Variants in HS3ST1 observed in about 807,000 individuals in gnomAD.
The protein encoded by HS3ST1 is heparan sulfate glucosamine 3-O-sulfotransferase 1.
HS3ST1 carries 8 observed loss-of-function variants against 20.7 expected under a neutral mutation model. The observed-to-expected ratio is 0.39, with a 90% CI of 0.23 to 0.70. HS3ST1 has a LOEUF of 0.70. HS3ST1 is among the 30% of genes least tolerant of loss of function. The pLI, the probability that HS3ST1 is intolerant of heterozygous loss-of-function variation, is 0.46. For synonymous variants in HS3ST1, 205 were observed against 190.4 expected (o/e 1.08, Z -0.63); for missense variants, 436 against 423.4 (o/e 1.03, Z -0.26).
At chr4:11,401,462 A>G (rs999643556) in intron 1 of HS3ST1, among the ~76,000 whole-genome samples, 5 of 151,456 alleles carry the variant, frequency 3.3e-5, no homozygotes, top group African/African-American at 1.2e-4. Flanking sequence ...TTCCTGCCTC[A>G]GTCTCCCGAG....
chr4:11,409,111 G>A (rs186306628), intron 1 of HS3ST1, among the ~76,000 whole-genome samples: 36 of 152,332 alleles, frequency 2.4e-4, no homozygotes, highest in Admixed American at 2.2e-3. Context: ...GGCCTGCAGG[G>A]ACTGAACTGA....
At chr4:11,424,054 A>C (rs1022861950) in intron 1 of HS3ST1, among the ~76,000 whole-genome samples, 31 of 151,792 alleles carry the variant, frequency 2.0e-4, no homozygotes, top group African/African-American at 6.3e-4. Flanking sequence ...AAAAAAAAAA[A>C]AAAACATAAC....
chr4:11,406,906 T>C (rs573192206), intron 1 of HS3ST1, among the ~76,000 whole-genome samples: 2 of 152,282 alleles, frequency 1.3e-5, no homozygotes, highest in Non-Finnish European at 2.9e-5. Flanking sequence ...AGTATAAGAT[T>C]ATTTTTTCAT....
intron 1 of HS3ST1, among the ~76,000 whole-genome samples, chr4:11,417,550 G>T (rs1222788649): frequency 6.6e-6 from 1 of 152,220 alleles, no homozygotes. Context: ...AAGTGATGTG[G>T]CTAGGACTTG....
rs1353787754 is a variant in HS3ST1 at position 11,396,738 on chromosome 4, C to A, written c.*2344G>T. The A allele has an allele frequency of 6.6e-6, 1 of 152,268 alleles. No individual in the cohort carries two copies. Among genetic ancestry groups the A allele is most frequent in the Non-Finnish European group, 1.5e-5 (1 of 68,092 alleles). 9.4% of individuals were successfully genotyped at this position (152,268 alleles called of 1,614,324 possible). On this transcript the variant is annotated 3_prime_UTR_variant, in exon 2 of 2. Transcript: ENST00000002596. ...GATAGTGCCACTAGGACCTCTGATC[C>A]CTTGCTCATGGTAGACTCATTTGAA...
intron 1 of HS3ST1, among the ~76,000 whole-genome samples, chr4:11,408,079 G>A (rs907788076): frequency 1.1e-4 from 16 of 152,276 alleles, no homozygotes; most frequent in South Asian, 6.2e-4. Flanking sequence ...TTTGTCTGCT[G>A]AGTTTGTATT....
chr4:11,409,286 A>G (rs1342491575), intron 1 of HS3ST1, among the ~76,000 whole-genome samples: 2 of 152,150 alleles, frequency 1.3e-5, no homozygotes, highest in African/African-American at 2.4e-5. Context: ...ACAAACAGGG[A>G]GAGATGATTT....
intron 1 of HS3ST1, among the ~76,000 whole-genome samples, chr4:11,420,992 A>G (rs1387536014): frequency 6.6e-6 from 1 of 152,220 alleles, no homozygotes; most frequent in Non-Finnish European, 1.5e-5. Context: ...TTAGAGAAAC[A>G]TGACACATTT....
chr4:11,402,695 T>A (rs991878379), intron 1 of HS3ST1, among the ~76,000 whole-genome samples: 2 of 152,202 alleles, frequency 1.3e-5, no homozygotes, highest in African/African-American at 4.8e-5. Flanking sequence ...TATAGTTCCA[T>A]GTTCAGACTC....
chr4:11,416,184 C>T (rs541337803), intron 1 of HS3ST1, among the ~76,000 whole-genome samples: 3 of 152,204 alleles, frequency 2.0e-5, no homozygotes, highest in South Asian at 2.1e-4. Flanking sequence ...TCAGGCAATC[C>T]GAATGAAAAG....
rs777189251 is a variant in HS3ST1 at position 11,400,041 on chromosome 4, C to T, written c.-36G>A. The T allele has an allele frequency of 3.8e-5, 55 of 1,456,934 alleles. No homozygotes were observed. In the Middle Eastern group the frequency reaches 9.2e-4, roughly 24 times the overall value. 90.3% of individuals were successfully genotyped at this position (1,456,934 alleles called of 1,614,324 possible). A position where few individuals can be genotyped will look rare whatever the true frequency, so the allele number is the denominator to read the frequency against. ...ACGGTGGCTTCACTGGGCCGCGCGC[C>T]GCTGGGTCATGAAGTGCCGCAGCAG... is the stretch of plus-strand genomic sequence containing the variant. On this transcript the variant is annotated 5_prime_UTR_variant, in exon 2 of 2. Coordinates refer to ENST00000002596, the MANE Select transcript of HS3ST1 (RefSeq NM_005114.4).
rs1450503989 is a variant in HS3ST1 at position 11,395,094 on chromosome 4, CG to C, written c.*3987del. ...CTACCCTCTACCCCCAGCCTCTCCC[CG>C]TGACCACTGTCTTCATGTCTCAAGC... On this transcript the variant is annotated 3_prime_UTR_variant, in exon 2 of 2. Transcript: ENST00000002596. 3.3e-5 allele frequency: 5 copies of C among 152,216 alleles called. No homozygotes were observed. The highest frequency in any genetic ancestry group is 1.2e-4 in the African/African-American group (5 of 41,420). The allele number at this position is 152,216 out of a possible 1,614,324, so 9.4% of individuals were successfully genotyped here.
Position 11,393,528 on chromosome 4 carries a change from A to G in HS3ST1, c.*5554T>C, listed in dbSNP as rs1718060411. On this transcript the variant is annotated 3_prime_UTR_variant, in exon 2 of 2. Coordinates refer to ENST00000002596, the MANE Select transcript of HS3ST1 (RefSeq NM_005114.4). ...TTTAGAGTGGATGGTCTAGAAGCAA[A>G]GTCTGAGGGGGGATTCCTGTTTTCT... is the stretch of plus-strand genomic sequence containing the variant. The G allele has an allele frequency of 6.6e-6, 1 of 152,240 alleles. No homozygotes were observed. The highest frequency in any genetic ancestry group is 1.5e-5 in the Non-Finnish European group (1 of 68,052). 9.4% of individuals were successfully genotyped at this position (152,240 alleles called of 1,614,324 possible). A position where few individuals can be genotyped will look rare whatever the true frequency, so the allele number is the denominator to read the frequency against.
At chr4:11,417,665 A>T (rs915803218) in intron 1 of HS3ST1, among the ~76,000 whole-genome samples, 1 of 152,176 alleles carries the variant, frequency 6.6e-6, no homozygotes, top group Non-Finnish European at 1.5e-5. Flanking sequence ...ACCTAATTAT[A>T]TTCGTGTTTT....
intron 1 of HS3ST1, among the ~76,000 whole-genome samples, chr4:11,414,567 TTTAC>T (rs780741246): frequency 6.6e-6 from 1 of 152,204 alleles, no homozygotes; most frequent in South Asian, 2.1e-4. Context: ...AACAACCGTA[TTTAC>T]TTCCCCAACC....
chr4:11,404,309 CA>C (rs1718404773), intron 1 of HS3ST1, among the ~76,000 whole-genome samples: 1 of 152,162 alleles, frequency 6.6e-6, no homozygotes, highest in Non-Finnish European at 1.5e-5. Context: ...TTCGGTCTCC[CA>C]AAGTGCTTGG....
chr4:11,413,303 C>T (rs1718685297), intron 1 of HS3ST1, among the ~76,000 whole-genome samples: 1 of 152,078 alleles, frequency 6.6e-6, no homozygotes, highest in Admixed American at 6.6e-5. Context: ...AGCTTAATCA[C>T]CTTCTAGGCT....
chr4:11,425,865 C>T (rs1719046866), intron 1 of HS3ST1, among the ~76,000 whole-genome samples: 1 of 152,160 alleles, frequency 6.6e-6, no homozygotes, highest in Non-Finnish European at 1.5e-5. Context: ...ATCCAGCTAG[C>T]ACTCTCCTGC....
At chr4:11,433,847 A>T (rs886581556), upstream of HS3ST1, among the ~76,000 whole-genome samples, 1 of 152,256 alleles carries the variant, frequency 6.6e-6, no homozygotes, top group South Asian at 2.1e-4. Context: ...CAGAAAAATT[A>T]CAATTCAATC....
Sources: allele counts gnomAD v4.1 joint callset (sites outside exome capture counted in the v4.1 genomes callset), GRCh38; gene constraint gnomAD v4.1.1; transcripts MANE v1.5; gene names NCBI Gene and HGNC (gene_info 2026-07-23, HGNC 2026-07-21).